Variants in PDCD4 observed in about 807,000 individuals in gnomAD.
PDCD4 encodes programmed cell death protein 4.
In PDCD4, 56 loss-of-function variants were observed where a neutral mutation model predicts 54.0. The ratio of observed to expected loss-of-function variants is 1.04; its 90% confidence interval spans 0.84 to 1.30. The LOEUF (loss-of-function observed/expected upper bound fraction) is 1.30, where lower values mean the gene tolerates loss of function less well. PDCD4 is among the 50% of genes most tolerant of loss of function. PDCD4 has a pLI of 0.00. For synonymous variants in PDCD4, 186 were observed against 194.8 expected (o/e 0.95, Z 0.37); for missense variants, 584 against 559.8 (o/e 1.04, Z -0.44).
In PDCD4 at chr10:110,881,436, G is replaced by T; in HGVS notation, c.247G>T (p.Asp83Tyr). 6.2e-7 allele frequency: 1 copy of T among 1,614,202 alleles called. No individual in the cohort carries two copies. Among genetic ancestry groups the T allele is most frequent in the Non-Finnish European group, 8.5e-7 (1 of 1,180,040 alleles). The part of the protein sequence containing the change: ...RGDSVSDSGS[D>Y]ALRSGLTVPT... Reference sequence around the variant, plus strand: ...CGATTCGGTCAGCGACAGTGGGAGTGACGCCCTTAGAAGTGGATTAACTGT... The same window carrying T: ...CGATTCGGTCAGCGACAGTGGGAGTTACGCCCTTAGAAGTGGATTAACTGT... Residue 83 changes from aspartate to tyrosine, a missense_variant, in exon 3 of 12, where the codon GAC becomes TAC. Transcript: ENST00000280154.
intron 2 of PDCD4, among the ~76,000 whole-genome samples, chr10:110,879,038 T>A (rs1845550362): frequency 6.6e-6 from 1 of 152,218 alleles, no homozygotes; most frequent in South Asian, 2.1e-4. Flanking sequence ...AAGGCATTGT[T>A]TGACTTCTCT....
chr10:110,882,390 A>G (rs2135199550), intron 3 of PDCD4, among the ~76,000 whole-genome samples: 1 of 152,346 alleles, frequency 6.6e-6, no homozygotes, highest in South Asian at 2.1e-4. Context: ...GCAACTTTGA[A>G]AATTGGAATT....
chr10:110,881,120 C>T (rs546594234), intron 2 of PDCD4, 113 bp from the exon 3 acceptor site: 41 of 702,566 alleles, frequency 5.8e-5, no homozygotes, highest in Non-Finnish European at 6.9e-5. Flanking sequence ...CTGTAATTTA[C>T]CTACAAAAAT....
chr10:110,892,327 T>G (rs1367692600), intron 8 of PDCD4, among the ~76,000 whole-genome samples: 1 of 152,184 alleles, frequency 6.6e-6, no homozygotes, highest in African/African-American at 2.4e-5. Context: ...TTATGGTGTG[T>G]GAATTCTCTC....
chr10:110,891,278 G>C (rs10787288), intron 8 of PDCD4, among the ~76,000 whole-genome samples: 37 of 151,508 alleles, frequency 2.4e-4, no homozygotes, highest in Middle Eastern at 3.4e-3. Context: ...ATGGTGGTGC[G>C]CACCTGTAAT....
At chr10:110,889,664 A>G (rs750386504) in intron 7 of PDCD4, 34 bp downstream of exon 7, 2 of 1,145,800 alleles carry the variant, frequency 1.7e-6, no homozygotes, top group Admixed American at 3.7e-5. Context: ...TAGAATTTCA[A>G]AATAGGGGAA....
At chr10:110,875,880 A>G (rs1389005021) in intron 1 of PDCD4, 86 bp from the exon 2 acceptor site, 5 of 488,840 alleles carry the variant, frequency 1.0e-5, no homozygotes, top group Non-Finnish European at 1.8e-5. Flanking sequence ...GTTTGTTTTT[A>G]CAGTGTGCTT....
At chr10:110,897,967 A>G (rs1315786300) in intron 11 of PDCD4, 61 bp from the exon 12 acceptor site, 3 of 1,198,488 alleles carry the variant, frequency 2.5e-6, no homozygotes, top group Non-Finnish European at 3.5e-6. Flanking sequence ...TAATTTTTTT[A>G]TATATTGACT....
chr10:110,882,573 G>T (rs2135199784), intron 3 of PDCD4, among the ~76,000 whole-genome samples: 1 of 152,120 alleles, frequency 6.6e-6, no homozygotes, highest in South Asian at 2.1e-4. Context: ...ATTTGATGGT[G>T]GTTACTGTCC....
At chr10:110,892,584 C>T (rs1695480375) in intron 8 of PDCD4, among the ~76,000 whole-genome samples, 1 of 152,124 alleles carries the variant, frequency 6.6e-6, no homozygotes, top group Non-Finnish European at 1.5e-5. Context: ...ATAACAAGTA[C>T]AGTCACGTGC....
At position 110,898,237 on chromosome 10, in the gene PDCD4, A is replaced by T. The variant is rs1845879349; in HGVS notation, c.*149A>T. 1 of 423,440 alleles carries T rather than the reference A, an allele frequency of 2.4e-6. No individual in the cohort carries two copies. The highest frequency in any genetic ancestry group is 2.1e-5 in the African/African-American group (1 of 48,292). 26.2% of individuals were successfully genotyped at this position (423,440 alleles called of 1,614,324 possible). On this transcript the variant is annotated 3_prime_UTR_variant, in exon 12 of 12. Coordinates refer to ENST00000280154, the MANE Select transcript of PDCD4 (RefSeq NM_014456.5). The stretch of plus-strand genomic sequence containing the variant: ...ATTTTATAAACCTACATTTAAGGGG[A>T]ATTTTTAAAGGAAATGTTTTTTCTT...
chr10:110,876,179 CT>C, intron 2 of PDCD4, 109 bp downstream of exon 2: 1 of 763,166 alleles, frequency 1.3e-6, no homozygotes, highest in Non-Finnish European at 2.1e-6. Context: ...GCAGTTTTGA[CT>C]TTCCTGGGCT....
intron 4 of PDCD4, chr10:110,884,724 G>C (rs1432191929): frequency 6.6e-6 from 1 of 152,056 alleles, no homozygotes; most frequent in Admixed American, 6.5e-5. Flanking sequence ...TGTGGTTAAT[G>C]ATTCTAATCT....
intron 1 of PDCD4, among the ~76,000 whole-genome samples, chr10:110,875,728 C>T (rs915627502): frequency 6.6e-6 from 1 of 151,778 alleles, no homozygotes; most frequent in African/African-American, 2.4e-5. Context: ...TGCTTTGGCA[C>T]ATGCTGAAAT....
intron 4 of PDCD4, 50 bp downstream of exon 4, chr10:110,883,147 T>TAAA: frequency 8.1e-7 from 1 of 1,227,588 alleles, no homozygotes; most frequent in Non-Finnish European, 1.2e-6. Context: ...ATGAACTTTT[T>TAAA]TGACTTCATG....
chr10:110,881,214 C>T lies in PDCD4; in HGVS notation c.44-19C>T, dbSNP rs1180576195. 51 of 1,575,288 alleles carry T rather than the reference C, an allele frequency of 3.2e-5. No homozygotes were observed. In the Admixed American group the frequency reaches 4.1e-4, roughly 13 times the overall value. On this transcript the variant is annotated intron_variant, in intron 2 of 11. Transcript: ENST00000280154. The stretch of plus-strand genomic sequence containing the variant: ...TACTTAAAATACTTAGAATTTTTTT[C>T]TTCATTTTTCTCTTTAAGATCCTGA...
chr10:110,893,044 T>C (rs1300360182), intron 8 of PDCD4, among the ~76,000 whole-genome samples: 1 of 152,130 alleles, frequency 6.6e-6, no homozygotes, highest in Non-Finnish European at 1.5e-5. Flanking sequence ...CTATACCATA[T>C]AGCACTGGTG....
intron 2 of PDCD4, among the ~76,000 whole-genome samples, chr10:110,879,317 T>C (rs1485913781): frequency 6.6e-6 from 1 of 152,178 alleles, no homozygotes; most frequent in African/African-American, 2.4e-5. Context: ...TTAGCAGTGA[T>C]TCTGGTGAGG....
intron 2 of PDCD4, 49 bp from the exon 3 acceptor site, chr10:110,881,184 G>T: frequency 7.4e-7 from 1 of 1,357,818 alleles, no homozygotes; most frequent in African/African-American, 1.4e-5. Flanking sequence ...CTATAAAACA[G>T]TAGATACTTA....
Sources: gnomAD v4.1 joint callset for allele counts (sites outside exome capture counted in the v4.1 genomes callset) on GRCh38, gnomAD v4.1.1 for gene constraint, MANE v1.5 for transcripts, NCBI Gene and HGNC (gene_info 2026-07-23, HGNC 2026-07-21) for gene names.